Variants in CAV1 observed in about 807,000 individuals in gnomAD.
CAV1 encodes caveolin-1.
A neutral mutation model predicts 16.5 loss-of-function variants in CAV1; 10 were observed. That is an observed-to-expected ratio of 0.61 (90% CI 0.37 to 1.03). CAV1 has a LOEUF of 1.03. CAV1 is among the 50% of genes least tolerant of loss of function. CAV1 has a pLI of 0.01. For missense variants in CAV1, 212 were observed against 232.8 expected (o/e 0.91, Z 0.58); for synonymous variants, 76 against 85.1 (o/e 0.89, Z 0.59).
intron 1 of CAV1, 36 bp downstream of exon 1, chr7:116,525,128 C>G: frequency 6.2e-7 from 1 of 1,614,110 alleles, no homozygotes; most frequent in South Asian, 1.1e-5. Context: ...CTCGGGCGTG[C>G]GGGGAGTGTC....
At chr7:116,541,289 C>T (rs868755960) in intron 2 of CAV1, among the ~76,000 whole-genome samples, 1 of 151,848 alleles carries the variant, frequency 6.6e-6, no homozygotes, top group African/African-American at 2.4e-5. Context: ...GGGACTGTTT[C>T]GTGTAGGTGA....
chr7:116,555,857 CT>C (rs1440302728), intron 2 of CAV1, among the ~76,000 whole-genome samples: 1 of 152,094 alleles, frequency 6.6e-6, no homozygotes, highest in Non-Finnish European at 1.5e-5. Flanking sequence ...AGAAACTAAG[CT>C]TTATTTCTGC....
intron 2 of CAV1, among the ~76,000 whole-genome samples, chr7:116,547,676 G>T (rs931310388): frequency 5.9e-5 from 9 of 152,164 alleles, no homozygotes; most frequent in African/African-American, 2.2e-4. Context: ...AATGCCAAAA[G>T]GTTCTCCTTT....
chr7:116,555,485 A>AGG (rs1438424267), intron 2 of CAV1, among the ~76,000 whole-genome samples: 2,910 of 7,778 alleles, frequency 0.37, 955 homozygotes, highest in South Asian at 0.61. Context: ...GGAGGAAAGA[A>AGG]AAGAAAGAAA....
At chr7:116,535,083 T>G (rs2115982062) in intron 2 of CAV1, among the ~76,000 whole-genome samples, 1 of 152,284 alleles carries the variant, frequency 6.6e-6, no homozygotes, top group Non-Finnish European at 1.5e-5. Context: ...TGACCATATA[T>G]TCTAGGTTGT....
chr7:116,552,679 T>A (rs1794187463), intron 2 of CAV1, among the ~76,000 whole-genome samples: 1 of 152,156 alleles, frequency 6.6e-6, no homozygotes, highest in Non-Finnish European at 1.5e-5. Flanking sequence ...CTAAGCAAGA[T>A]GAAAAGGGCA....
At chr7:116,534,545 G>A (rs1481424766) in intron 2 of CAV1, among the ~76,000 whole-genome samples, 3 of 149,436 alleles carry the variant, frequency 2.0e-5, no homozygotes, top group African/African-American at 7.3e-5. Flanking sequence ...GACTACAGGC[G>A]CCCGCCACCA....
intron 2 of CAV1, among the ~76,000 whole-genome samples, chr7:116,547,253 A>C (rs1260234523): frequency 6.6e-6 from 1 of 152,218 alleles, no homozygotes; most frequent in East Asian, 1.9e-4. Context: ...AATTCAATGC[A>C]TAACAGGATG....
intron 2 of CAV1, among the ~76,000 whole-genome samples, chr7:116,549,414 T>G (rs1284400868): frequency 2.0e-5 from 3 of 152,240 alleles, no homozygotes; most frequent in East Asian, 3.8e-4. Context: ...GCTTGAATTA[T>G]CCCCTTGTCA....
chr7:116,549,725 C>G (rs1010353018), intron 2 of CAV1, among the ~76,000 whole-genome samples: 24 of 152,038 alleles, frequency 1.6e-4, no homozygotes, highest in African/African-American at 5.6e-4. Flanking sequence ...TTATGTATGG[C>G]TACATCCTTT....
intron 2 of CAV1, among the ~76,000 whole-genome samples, chr7:116,549,972 G>A (rs770145646): frequency 8.5e-5 from 13 of 152,108 alleles, no homozygotes; most frequent in Non-Finnish European, 1.9e-4. Flanking sequence ...TACAAAAGAC[G>A]TAGAAGACAA....
In CAV1 at chr7:116,525,409, T is replaced by C. The variant is rs2742125; in HGVS notation, c.30+317T>C. The C allele has an allele frequency of 0.85, 1,234,198 of 1,458,810 alleles. 523,409 individuals carry two copies. Among genetic ancestry groups the C allele is most frequent in the East Asian group, 0.95 (34,783 of 36,464 alleles). The allele number at this position is 1,458,810 out of a possible 1,614,324, so 90.4% of individuals were successfully genotyped here. On this transcript the variant is annotated intron_variant, in intron 1 of 2. Coordinates refer to ENST00000341049, the MANE Select transcript of CAV1 (RefSeq NM_001753.5). The stretch of plus-strand genomic sequence containing the variant: ...TTCTGGATGGGTCTAGGATGCTCCC[T>C]TGTCGCGGGACCCCCGCGGTCCGGC...
At chr7:116,555,463 G>A (rs1794243249) in intron 2 of CAV1, among the ~76,000 whole-genome samples, 1 of 43,602 alleles carries the variant, frequency 2.3e-5, no homozygotes, top group African/African-American at 6.3e-5. Flanking sequence ...AAGGAAGGAA[G>A]GAAGGAAGGA....
intron 2 of CAV1, among the ~76,000 whole-genome samples, chr7:116,553,918 G>A (rs1463332895): frequency 6.6e-6 from 1 of 152,188 alleles, no homozygotes; most frequent in Non-Finnish European, 1.5e-5. Context: ...TCAGGTGCAG[G>A]TATCCAGAAT....
In CAV1 at chr7:116,534,379, ATATATATATATATATATTTTTTTT is replaced by A. The variant is rs1383080875; in HGVS notation, c.195+7692_195+7715del. The stretch of plus-strand genomic sequence containing the variant: ...CCACCTCAGATATATATATATATAT[ATATATATATATATATATTTTTTTT>A]TTTTTTTTTTTTTTGAGACGATGTC... On this transcript the variant is annotated intron_variant, in intron 2 of 2. Transcript: ENST00000341049. Among the ~76,000 whole-genome samples, 44 of 55,192 alleles carry A rather than the reference ATATATATATATATATATTTTTTTT, an allele frequency of 8.0e-4. 3 individuals carry two copies. In the East Asian group the frequency reaches 0.13, roughly 163 times the overall value. The allele number at this position is 55,192 out of a possible 152,430, so 36.2% of individuals were successfully genotyped here. A position where few individuals can be genotyped will look rare whatever the true frequency, so the allele number is the denominator to read the frequency against.
intron 1 of CAV1, chr7:116,526,162 C>A: frequency 2.0e-6 from 1 of 505,526 alleles, no homozygotes; most frequent in Non-Finnish European, 2.6e-6. Flanking sequence ...TGCCCCCTCG[C>A]CGCCGAGGTC....
chr7:116,543,930 T>C (rs1793988290), intron 2 of CAV1, among the ~76,000 whole-genome samples: 1 of 152,168 alleles, frequency 6.6e-6, no homozygotes, highest in Admixed American at 6.5e-5. Flanking sequence ...TCCCATTACC[T>C]AGCTGTAAAG....
chr7:116,559,007 A>G lies in CAV1; in HGVS notation c.257A>G (p.Lys86Arg), dbSNP rs200811330. The G allele has an allele frequency of 5.6e-6, 9 of 1,613,912 alleles. No homozygotes were observed. In the African/African-American group the frequency reaches 9.3e-5, roughly 17 times the overall value. Residue 86 changes from lysine to arginine, a missense_variant, in exon 3 of 3, where the codon AAG becomes AGG. Transcript: ENST00000341049. The part of the protein sequence containing the change: ...EGTHSFDGIW[K>R]ASFTTFTVTK... Reference sequence around the variant, plus strand: ...ACACACAGTTTTGACGGCATTTGGAAGGCCAGCTTCACCACCTTCACTGTG... The same window carrying G: ...ACACACAGTTTTGACGGCATTTGGAGGGCCAGCTTCACCACCTTCACTGTG...
chr7:116,553,812 G>C (rs1281451263), intron 2 of CAV1, among the ~76,000 whole-genome samples: 1 of 152,156 alleles, frequency 6.6e-6, no homozygotes, highest in African/African-American at 2.4e-5. Flanking sequence ...TGCTAAACAT[G>C]AACAATGAGC....
Sources: allele counts gnomAD v4.1 joint callset (sites outside exome capture counted in the v4.1 genomes callset), GRCh38; gene constraint gnomAD v4.1.1; transcripts MANE v1.5; gene names NCBI Gene and HGNC (gene_info 2026-07-23, HGNC 2026-07-21).